TMPRSS5: variants seen among roughly 807,000 people sequenced by gnomAD.
TMPRSS5 encodes transmembrane protease serine 5.
In TMPRSS5, 45 loss-of-function variants were observed where a neutral mutation model predicts 59.7. The observed-to-expected ratio is 0.75, with a 90% CI of 0.59 to 0.97. The LOEUF (loss-of-function observed/expected upper bound fraction) is 0.97. TMPRSS5 is among the 50% of genes least tolerant of loss of function. TMPRSS5 has a pLI of 0.00. For missense variants in TMPRSS5, 585 were observed against 596.7 expected, an observed-to-expected ratio of 0.98 and a Z score of 0.20; for synonymous variants, 225 against 232.0, an observed-to-expected ratio of 0.97 and a Z score of 0.27.
chr11:113,698,963 A>C lies in TMPRSS5; in HGVS notation c.270T>G (p.Thr90=). The change falls in exon 4 of 13, where the codon ACT becomes ACG. Residue 90 remains threonine, a synonymous_variant. Transcript: ENST00000299882. ...ISGTLQDEEI[T]LSCSEASAEE... is the part of the protein sequence containing the mutation. The stretch of plus-strand genomic sequence containing the variant: ...CAGCGCTGGCCTCTGAGCAGCTCAA[A>C]GTTATCTCCTCATCCTGCAAGGTCC... The C allele has an allele frequency of 6.2e-7, 1 of 1,604,916 alleles. No individual in the cohort carries two copies. The highest frequency in any genetic ancestry group is 8.5e-7 in the Non-Finnish European group (1 of 1,175,868).
In TMPRSS5 at chr11:113,702,604, G is replaced by A. The variant is rs139040663; in HGVS notation, c.4-2436C>T. Among the ~76,000 whole-genome samples, 30 of 152,344 alleles carry A rather than the reference G, an allele frequency of 2.0e-4. No individual in the cohort carries two copies. The East Asian group carries it at 3.3e-3, about 17-fold the overall frequency. ...AATGGGGAAAATATCTCCAGGGCATGTCAGAGACCCGCAGAGCAGTCCCTT... is the reference window on the plus strand; with the variant it reads ...AATGGGGAAAATATCTCCAGGGCATATCAGAGACCCGCAGAGCAGTCCCTT... On this transcript the variant is annotated intron_variant, in intron 1 of 12. Transcript: ENST00000299882.
At position 113,690,934 on chromosome 11, in the gene TMPRSS5, C is replaced by CA; in HGVS notation, c.969dup (p.Val324CysfsTer30). ...TTGGCCGGCAGGCACACAGCGCCCA[C>CA]AGTGTCTGTAGAGAGGCACATGGTC... On this transcript the variant is annotated frameshift_variant, in exon 10 of 13. Coordinates refer to ENST00000299882, the MANE Select transcript of TMPRSS5 (RefSeq NM_030770.4). LOFTEE classifies it high-confidence loss of function. The CA allele has an allele frequency of 6.3e-7, 1 of 1,584,568 alleles. No homozygotes were observed. The highest frequency in any genetic ancestry group is 8.6e-7 in the Non-Finnish European group (1 of 1,165,808).
intron 5 of TMPRSS5, 58 bp downstream of exon 5, chr11:113,697,225 C>G (rs1234867556): frequency 1.9e-6 from 3 of 1,567,578 alleles, no homozygotes; most frequent in Non-Finnish European, 2.6e-6. Flanking sequence ...GTCTCCAATT[C>G]CCATCCCACA....
chr11:113,698,842 GC>G (rs1478212817), intron 4 of TMPRSS5, 62 bp downstream of exon 4: 3 of 1,544,162 alleles, frequency 1.9e-6, no homozygotes, highest in Non-Finnish European at 1.8e-6. Flanking sequence ...CGGTTCTCTT[GC>G]CCTCAGCTGT....
intron 4 of TMPRSS5, among the ~76,000 whole-genome samples, chr11:113,698,058 C>A (rs1952979848): frequency 6.6e-6 from 1 of 152,158 alleles, no homozygotes; most frequent in South Asian, 2.1e-4. Flanking sequence ...CCAGAGAGCT[C>A]CCTCTCTCCT....
At chr11:113,693,013 G>T in intron 9 of TMPRSS5, 58 bp downstream of exon 9, 5 of 888,182 alleles carry the variant, frequency 5.6e-6, no homozygotes, top group Non-Finnish European at 8.8e-6. Context: ...CTCCCACCCA[G>T]CCCCCGCCCT....
chr11:113,697,541 G>C (rs1421370170), intron 4 of TMPRSS5, 123 bp from the exon 5 acceptor site: 1 of 1,180,142 alleles, frequency 8.5e-7, no homozygotes, highest in Non-Finnish European at 1.2e-6. Flanking sequence ...GGATCACCCA[G>C]TGCCAAGTTC....
At chr11:113,700,783 C>T (rs1953110063) in intron 1 of TMPRSS5, among the ~76,000 whole-genome samples, 1 of 152,178 alleles carries the variant, frequency 6.6e-6, no homozygotes, top group South Asian at 2.1e-4. Flanking sequence ...GCTAAACTAC[C>T]TGATATGGTT....
chr11:113,694,300 G>A lies in TMPRSS5; in HGVS notation c.785+178C>T, dbSNP rs184809064. The stretch of plus-strand genomic sequence containing the variant: ...AAGAACAAATCTTCATATTATTACT[G>A]TTATTTGTGCAGATCTGTTCTTGAT... On this transcript the variant is annotated intron_variant, in intron 8 of 12. Coordinates refer to ENST00000299882, the MANE Select transcript of TMPRSS5 (RefSeq NM_030770.4). The A allele has an allele frequency of 3.2e-5, 14 of 442,542 alleles. No individual in the cohort carries two copies. The East Asian group carries it at 4.5e-4, about 14-fold the overall frequency. 27.4% of individuals were successfully genotyped at this position (442,542 alleles called of 1,614,324 possible). A position where few individuals can be genotyped will look rare whatever the true frequency, so the allele number is the denominator to read the frequency against.
Position 113,697,454 on chromosome 11 carries a change from T to C in TMPRSS5, c.329-36A>G, listed in dbSNP as rs762661435. The C allele has an allele frequency of 1.0e-5, 16 of 1,607,726 alleles. No homozygotes were observed. The South Asian group carries it at 1.3e-4, about 13-fold the overall frequency. ...AGCATGAAAACCACATGGGAGAGGA[T>C]GGTGGTGGTAGGGTGGGACAGGAAG... On this transcript the variant is annotated intron_variant, in intron 4 of 12. Transcript: ENST00000299882.
At chr11:113,699,262 T>TCCCCCCCCC (rs370060093) in intron 3 of TMPRSS5, among the ~76,000 whole-genome samples, 3 of 93,256 alleles carry the variant, frequency 3.2e-5, no homozygotes, top group African/African-American at 1.2e-4. Flanking sequence ...TCTCTCTCTC[T>TCCCCCCCCC]CTCTCTCTCC....
chr11:113,699,355 T>A (rs1953053990), intron 3 of TMPRSS5, among the ~76,000 whole-genome samples: 2 of 151,576 alleles, frequency 1.3e-5, no homozygotes, highest in Admixed American at 1.3e-4. Context: ...GTGTTCTCTC[T>A]GTGTCTCTCT....
At chr11:113,688,856 C>T (rs1007406982) in intron 12 of TMPRSS5, among the ~76,000 whole-genome samples, 3 of 152,148 alleles carry the variant, frequency 2.0e-5, no homozygotes, top group African/African-American at 4.8e-5. Flanking sequence ...CCACCCCACC[C>T]GACCAGTAAT....
intron 7 of TMPRSS5, 107 bp downstream of exon 7, chr11:113,695,293 C>G: frequency 7.8e-7 from 1 of 1,274,020 alleles, no homozygotes; most frequent in Non-Finnish European, 1.1e-6. Flanking sequence ...GGCAAGACCC[C>G]TACCCCAGGC....
rs368675092 is a variant in TMPRSS5 at position 113,693,108 on chromosome 11, G to A, written c.927C>T (p.Val309=). The A allele has an allele frequency of 2.6e-5, 41 of 1,586,276 alleles. No individual in the cohort carries two copies. The highest frequency in any genetic ancestry group is 1.8e-4 in the Admixed American group (10 of 55,924). The change falls in exon 9 of 13, where the codon GTC becomes GTT. Residue 309 remains valine, a synonymous_variant. Transcript: ENST00000299882. The part of the protein sequence containing the change: ...LYSAQNHDYD[V]ALLRLQTALN... ...GAGCGGTCTGGAGCCTCAGGAGGGC[G>A]ACGTCGTAGTCATGATTCTGGGCAC...
chr11:113,688,408 G>T (rs1275663662), intron 12 of TMPRSS5, 134 bp from the exon 13 acceptor site: 2 of 648,714 alleles, frequency 3.1e-6, no homozygotes, highest in East Asian at 2.9e-5. Context: ...AATATCTGCT[G>T]CTCAAGATTT....
intron 1 of TMPRSS5, among the ~76,000 whole-genome samples, chr11:113,702,140 T>G (rs1407623527): frequency 6.6e-6 from 1 of 152,240 alleles, no homozygotes; most frequent in African/African-American, 2.4e-5. Context: ...TATGGCTGCA[T>G]AGTATTCCAT....
At chr11:113,700,891 G>A (rs913822433) in intron 1 of TMPRSS5, among the ~76,000 whole-genome samples, 24 of 152,154 alleles carry the variant, frequency 1.6e-4, no homozygotes, top group African/African-American at 5.6e-4. Context: ...ATTAAATCAT[G>A]GGGCTGGTTC....
At chr11:113,698,771 G>C in intron 4 of TMPRSS5, 134 bp downstream of exon 4, 2 of 1,015,658 alleles carry the variant, frequency 2.0e-6, no homozygotes, top group Non-Finnish European at 2.9e-6. Flanking sequence ...CCTTGTCACT[G>C]CCCTCACACT....
Sources: gnomAD v4.1 joint callset for allele counts (sites outside exome capture counted in the v4.1 genomes callset) on GRCh38, gnomAD v4.1.1 for gene constraint, MANE v1.5 for transcripts, NCBI Gene and HGNC (gene_info 2026-07-23, HGNC 2026-07-21) for gene names.